NCALD: variants seen among roughly 807,000 people sequenced by gnomAD.
NCALD encodes neurocalcin-delta.
A neutral mutation model predicts 18.6 loss-of-function variants in NCALD; 10 were observed. The ratio of observed to expected loss-of-function variants is 0.54; its 90% CI spans 0.33 to 0.91. The LOEUF (loss-of-function observed/expected upper bound fraction) is 0.91, where lower values mean the gene tolerates loss of function less well. Among genes scored for constraint, NCALD ranks in the 40% least tolerant of loss-of-function variants. The pLI, the probability that NCALD is intolerant of heterozygous loss-of-function variation, is 0.03. For synonymous variants in NCALD, 88 were observed against 87.4 expected, an observed-to-expected ratio of 1.01 and a Z score of -0.04; for missense variants, 184 against 247.6, an observed-to-expected ratio of 0.74 and a Z score of 1.72.
chr8:101,756,995 A>T (rs185270427), intron 1 of NCALD, among the ~76,000 whole-genome samples: 3 of 152,154 alleles, frequency 2.0e-5, no homozygotes, highest in African/African-American at 7.2e-5. Flanking sequence ...TTAGTCTCTT[A>T]TGTCTCTGTC....
Position 101,689,009 on chromosome 8 carries a change from C to T in NCALD, c.*300G>A, listed in dbSNP as rs1814584939. On this transcript the variant is annotated 3_prime_UTR_variant, in exon 4 of 4. Coordinates refer to ENST00000220931, the MANE Select transcript of NCALD (RefSeq NM_032041.3). This position sits in a 1 kb window ranked among gnomAD's most constrained non-coding sequence, Gnocchi z 4.4. ...CCTTCTTTTGCCCCAACCCCCGAGT[C>T]TTACGTTTTAGAACAGAGACATTAG... is the stretch of plus-strand genomic sequence containing the variant. 2 of 694,136 alleles carry T rather than the reference C, an allele frequency of 2.9e-6. No homozygotes were observed. The highest frequency in any genetic ancestry group is 3.5e-5 in the African/African-American group (2 of 56,410). 43.0% of individuals were successfully genotyped at this position (694,136 alleles called of 1,614,324 possible). A position where few individuals can be genotyped will look rare whatever the true frequency, so the allele number is the denominator to read the frequency against.
chr8:101,894,105 C>G (rs1227574635), intron 3 of NCALD, among the ~76,000 whole-genome samples: 12 of 144,970 alleles, frequency 8.3e-5, no homozygotes, highest in Non-Finnish European at 1.6e-4. Context: ...TGACCACATA[C>G]TTGGAAGTAA....
At chr8:101,738,341 C>G (rs1810019814) in intron 1 of NCALD, among the ~76,000 whole-genome samples, 2 of 151,988 alleles carry the variant, frequency 1.3e-5, no homozygotes. Flanking sequence ...GTCAAGAGTT[C>G]GAGATCAGCC....
chr8:101,952,484 G>A (rs753157620), intron 2 of NCALD, among the ~76,000 whole-genome samples: 2 of 152,150 alleles, frequency 1.3e-5, no homozygotes, highest in Non-Finnish European at 2.9e-5. Flanking sequence ...AAGCCATGTA[G>A]GCAATACCCA....
At chr8:102,002,105 C>G (rs1390030832) in intron 2 of NCALD, among the ~76,000 whole-genome samples, 2 of 152,136 alleles carry the variant, frequency 1.3e-5, no homozygotes, top group Non-Finnish European at 1.5e-5. Context: ...AGTCAAGACC[C>G]ATCAGTGTGC....
chr8:102,004,784 A>G (rs1055099501), intron 2 of NCALD, among the ~76,000 whole-genome samples: 19 of 152,274 alleles, frequency 1.2e-4, no homozygotes, highest in African/African-American at 4.6e-4. Flanking sequence ...TGGGGAAAGG[A>G]TTCCCTATTT....
intron 1 of NCALD, among the ~76,000 whole-genome samples, chr8:101,739,147 T>C (rs922817668): frequency 6.6e-6 from 1 of 152,084 alleles, no homozygotes; most frequent in Non-Finnish European, 1.5e-5. Flanking sequence ...TATGTCCTCA[T>C]AGTTTGGATG....
chr8:102,024,254 C>A (rs745330612), intron 1 of NCALD, among the ~76,000 whole-genome samples: 3 of 152,160 alleles, frequency 2.0e-5, no homozygotes, highest in African/African-American at 4.8e-5. Flanking sequence ...CAAACACACA[C>A]AAAAAAGCCT....
chr8:102,023,911 A>G (rs768752587), intron 1 of NCALD, among the ~76,000 whole-genome samples: 15 of 152,166 alleles, frequency 9.9e-5, no homozygotes, highest in Non-Finnish European at 2.2e-4. Context: ...TGCCCCAACC[A>G]TAAAAGGAAT....
At chr8:101,824,554 T>G (rs1813853985) in intron 4 of NCALD, among the ~76,000 whole-genome samples, 1 of 152,086 alleles carries the variant, frequency 6.6e-6, no homozygotes, top group Non-Finnish European at 1.5e-5. Flanking sequence ...CAAATCTCCT[T>G]GGGAATTTTG....
chr8:101,711,415 T>C (rs1815785925), intron 2 of NCALD, among the ~76,000 whole-genome samples: 1 of 151,982 alleles, frequency 6.6e-6, no homozygotes, highest in African/African-American at 2.4e-5. Flanking sequence ...GGACGGAGAA[T>C]GAGTTTGACA....
intron 2 of NCALD, among the ~76,000 whole-genome samples, chr8:101,988,098 T>A (rs1200980293): frequency 7.7e-6 from 1 of 129,610 alleles, no homozygotes; most frequent in Admixed American, 1.0e-4. Flanking sequence ...GAGCTTGCGG[T>A]GAGCCGAGAT....
At chr8:101,803,493 A>G (rs1812944621) in intron 4 of NCALD, among the ~76,000 whole-genome samples, 1 of 152,236 alleles carries the variant, frequency 6.6e-6, no homozygotes, top group Non-Finnish European at 1.5e-5. Context: ...TCAACCTTCA[A>G]GTCTTATTAT....
chr8:101,734,066 AGCCCCAGG>A (rs1816965361), intron 1 of NCALD, among the ~76,000 whole-genome samples: 1 of 152,094 alleles, frequency 6.6e-6, no homozygotes, highest in Admixed American at 6.5e-5. Flanking sequence ...CTCCAGGAGG[AGCCCCAGG>A]GCTCTCTTAT....
intron 1 of NCALD, among the ~76,000 whole-genome samples, chr8:102,036,670 G>T (rs1266424842): frequency 2.0e-5 from 3 of 152,102 alleles, no homozygotes; most frequent in Non-Finnish European, 4.4e-5. Context: ...AGCTATTCAG[G>T]AGGCTGAGGC....
At chr8:101,733,501 A>G (rs1166007647) in intron 1 of NCALD, among the ~76,000 whole-genome samples, 1 of 152,046 alleles carries the variant, frequency 6.6e-6, no homozygotes, top group African/African-American at 2.4e-5. Context: ...AAGGGGGGAA[A>G]ATTCATTTTT....
intron 2 of NCALD, among the ~76,000 whole-genome samples, chr8:102,006,787 C>T (rs1389441282): frequency 6.6e-6 from 1 of 152,204 alleles, no homozygotes; most frequent in Non-Finnish European, 1.5e-5. Context: ...TCCTGGTTGC[C>T]TTAACAACCC....
At chr8:101,749,514 A>G (rs1810563306) in intron 1 of NCALD, among the ~76,000 whole-genome samples, 1 of 152,206 alleles carries the variant, frequency 6.6e-6, no homozygotes. Context: ...CTGCTTTTCC[A>G]CTAAGTATAT....
chr8:101,765,496 A>T (rs1811310046), intron 1 of NCALD, among the ~76,000 whole-genome samples: 1 of 152,182 alleles, frequency 6.6e-6, no homozygotes, highest in South Asian at 2.1e-4. Flanking sequence ...AATATTACAG[A>T]TTCCTTTAAA....
Sources: allele counts gnomAD v4.1 joint callset (sites outside exome capture counted in the v4.1 genomes callset), GRCh38; gene constraint gnomAD v4.1.1; non-coding constraint Gnocchi (gnomAD v3.1); transcripts MANE v1.5; gene names NCBI Gene and HGNC (gene_info 2026-07-23, HGNC 2026-07-21).